Variants in RIPOR2 observed in about 807,000 individuals in gnomAD.
RIPOR2 encodes rho family-interacting cell polarization regulator 2.
RIPOR2 carries 39 observed loss-of-function variants against 114.5 expected under a neutral mutation model. The ratio of observed to expected loss-of-function variants is 0.34; its 90% CI spans 0.26 to 0.44. RIPOR2 has a LOEUF of 0.44. Ranked by LOEUF, RIPOR2 falls within the 20% of genes least tolerant of loss-of-function variation. The pLI is 1.00. For missense variants in RIPOR2, 1,007 were observed against 1,255.1 expected, an observed-to-expected ratio of 0.80 and a Z score of 2.99; for synonymous variants, 445 against 484.4, an observed-to-expected ratio of 0.92 and a Z score of 1.07.
intron 1 of RIPOR2, among the ~76,000 whole-genome samples, chr6:24,908,278 AGACTTCT>A (rs1271627306): frequency 1.1e-4 from 17 of 152,388 alleles, no homozygotes; most frequent in Middle Eastern, 3.4e-3. Flanking sequence ...AACTGTTTTT[AGACTTCT>A]GACTTCTTTT....
At chr6:24,916,866 A>C (rs1209257918) in intron 1 of RIPOR2, among the ~76,000 whole-genome samples, 1 of 152,190 alleles carries the variant, frequency 6.6e-6, no homozygotes, top group Non-Finnish European at 1.5e-5. Flanking sequence ...AGTCCCCTGT[A>C]CTTGGGCAAA....
intron 1 of RIPOR2, among the ~76,000 whole-genome samples, chr6:24,952,532 G>A (rs1321935659): frequency 6.6e-6 from 1 of 152,178 alleles, no homozygotes; most frequent in Non-Finnish European, 1.5e-5. Flanking sequence ...GAGATGCACA[G>A]TAGCACACCA....
At chr6:24,871,786 G>A (rs6918511) in intron 4 of RIPOR2, among the ~76,000 whole-genome samples, 14,112 of 152,202 alleles carry the variant, frequency 0.093, 797 homozygotes, top group African/African-American at 0.16. Context: ...GGATTTTTAC[G>A]GAACATGAGG....
intron 9 of RIPOR2, 41 bp from the exon 10 acceptor site, chr6:24,850,763 C>T: frequency 3.7e-6 from 6 of 1,610,440 alleles, no homozygotes; most frequent in Non-Finnish European, 4.2e-6. Flanking sequence ...TCTTGCCACC[C>T]CCTCTTCTCC....
At position 24,949,968 on chromosome 6, in the gene RIPOR2, C is replaced by T. The variant is rs7758891; in HGVS notation, c.77-74151G>A. ...AGTGAGTGAGGTGGAGGAAGCAGAG[C>T]GGGGAAGGGGTGGCTCCACTCTCTC... On this transcript the variant is annotated intron_variant, in intron 1 of 13. Coordinates refer to the RIPOR2 transcript ENST00000510784. Among the ~76,000 whole-genome samples the T allele has an allele frequency of 6.1e-3, 935 of 152,206 alleles. 6 individuals are homozygous for T. Among genetic ancestry groups the T allele is most frequent in the African/African-American group, 0.019 (788 of 41,524 alleles).
chr6:24,901,535 CT>C (rs1561751411), intron 1 of RIPOR2, among the ~76,000 whole-genome samples: 1 of 152,144 alleles, frequency 6.6e-6, no homozygotes. Flanking sequence ...AAAGGGCAAA[CT>C]TTTTTTGGAA....
At chr6:24,885,585 G>A (rs994227069) in intron 1 of RIPOR2, among the ~76,000 whole-genome samples, 2 of 152,158 alleles carry the variant, frequency 1.3e-5, no homozygotes, top group South Asian at 4.1e-4. Flanking sequence ...ATAAGAACGT[G>A]GAATCCAGAG....
chr6:24,963,116 C>T (rs1190257514), intron 1 of RIPOR2, among the ~76,000 whole-genome samples: 1 of 152,336 alleles, frequency 6.6e-6, no homozygotes, highest in East Asian at 1.9e-4. Flanking sequence ...TGGCTCACTG[C>T]AACCTCCATC....
intron 21 of RIPOR2, among the ~76,000 whole-genome samples, chr6:24,807,093 T>A (rs1489055363): frequency 6.6e-6 from 1 of 152,158 alleles, no homozygotes; most frequent in Admixed American, 6.5e-5. Flanking sequence ...AATGAGAAAA[T>A]AAAATGCAAA....
In RIPOR2 at chr6:24,993,219, C is replaced by T. The variant is rs191230868; in HGVS notation, c.76+48632G>A. On this transcript the variant is annotated intron_variant, in intron 1 of 13. Transcript: ENST00000510784. ...TCATTGATCTTTTGAACGGTTTTCT[C>T]TTTGTAGGTCTCTAAGAACTTGCTT... 3.5e-3 allele frequency among the ~76,000 whole-genome samples: 540 copies of T among 152,296 alleles called. 3 individuals carry two copies. Among genetic ancestry groups the T allele is most frequent in the Non-Finnish European group, 6.1e-3 (415 of 68,004 alleles).
chr6:24,931,506 C>T (rs369976402), intron 1 of RIPOR2, among the ~76,000 whole-genome samples: 4 of 152,240 alleles, frequency 2.6e-5, no homozygotes, highest in African/African-American at 9.6e-5. Flanking sequence ...GCCAGTTCAT[C>T]TCCATCTGGG....
At chr6:24,853,757 A>C (rs1763179736) in intron 8 of RIPOR2, among the ~76,000 whole-genome samples, 1 of 152,262 alleles carries the variant, frequency 6.6e-6, no homozygotes, top group African/African-American at 2.4e-5. Context: ...AATATATCCA[A>C]GAGTGGGATA....
intron 1 of RIPOR2, among the ~76,000 whole-genome samples, chr6:25,000,185 T>C (rs1219051578): frequency 6.6e-6 from 1 of 152,208 alleles, no homozygotes; most frequent in Non-Finnish European, 1.5e-5. Flanking sequence ...GGACAACTCT[T>C]ACTTTCACTT....
chr6:24,920,107 T>C (rs1421880930), intron 1 of RIPOR2, among the ~76,000 whole-genome samples: 2 of 152,228 alleles, frequency 1.3e-5, no homozygotes, highest in Non-Finnish European at 2.9e-5. Context: ...GCCTACTAGC[T>C]ATTGACTGTT....
chr6:24,969,419 G>T lies in RIPOR2; in HGVS notation c.76+72432C>A, dbSNP rs1306689986. Among the ~76,000 whole-genome samples the T allele has an allele frequency of 4.6e-5, 7 of 152,164 alleles. 1 individual carries two copies. The highest frequency in any genetic ancestry group is 4.6e-4 in the Admixed American group (7 of 15,282). ...GTGCAGGTTAAATTTTAGGGAGCTGGGATCTAAAACAGTAGTTCTCCATTC... is the reference window on the plus strand; with the variant it reads ...GTGCAGGTTAAATTTTAGGGAGCTGTGATCTAAAACAGTAGTTCTCCATTC... On this transcript the variant is annotated intron_variant, in intron 1 of 13. Coordinates refer to the RIPOR2 transcript ENST00000510784.
At chr6:24,940,153 G>T (rs1772045467), upstream of RIPOR2, among the ~76,000 whole-genome samples, 1 of 152,216 alleles carries the variant, frequency 6.6e-6, no homozygotes, top group Admixed American at 6.5e-5. Flanking sequence ...TGAGTTATGA[G>T]AATTGAGGCT....
chr6:24,834,590 C>T (rs1760962102), intron 15 of RIPOR2, among the ~76,000 whole-genome samples: 2 of 151,896 alleles, frequency 1.3e-5, no homozygotes, highest in South Asian at 2.1e-4. Flanking sequence ...TACAGGTCTG[C>T]GTTCTGCATC....
chr6:24,919,136 C>T (rs999487713), intron 1 of RIPOR2, among the ~76,000 whole-genome samples: 1 of 152,226 alleles, frequency 6.6e-6, no homozygotes, highest in African/African-American at 2.4e-5. Context: ...AACCTGGCCC[C>T]ACTGCCCCTC....
chr6:25,003,423 T>TATTATTATTATTATC lies in RIPOR2; in HGVS notation c.76+38427_76+38428insGATAATAATAATAAT, dbSNP rs769816451. Among the ~76,000 whole-genome samples, 12 of 137,806 alleles carry TATTATTATTATTATC rather than the reference T, an allele frequency of 8.7e-5. No homozygotes were observed. The East Asian group carries it at 1.7e-3, about 20-fold the overall frequency. 90.4% of individuals were successfully genotyped at this position (137,806 alleles called of 152,430 possible). On this transcript the variant is annotated intron_variant, in intron 1 of 13. Coordinates refer to the RIPOR2 transcript ENST00000510784. ...TTATTATTATTATTATTATTATTAT[T>TATTATTATTATTATC]ATCATCTCCTTTTTCTTCTTTTCGA...
Sources: allele counts gnomAD v4.1 joint callset (sites outside exome capture counted in the v4.1 genomes callset), GRCh38; gene constraint gnomAD v4.1.1; transcripts MANE v1.5; gene names NCBI Gene and HGNC (gene_info 2026-07-23, HGNC 2026-07-21).